VEZT: variants seen among roughly 807,000 people sequenced by gnomAD.
The protein encoded by VEZT is vezatin.
A neutral mutation model predicts 79.9 loss-of-function variants in VEZT; 39 were observed. The ratio of observed to expected loss-of-function variants is 0.49; its 90% CI spans 0.38 to 0.64. The LOEUF is 0.64. VEZT is among the 30% of genes least tolerant of loss of function. The pLI is 0.00. For synonymous variants in VEZT, 325 were observed against 327.6 expected, an observed-to-expected ratio of 0.99 and a Z score of 0.09; for missense variants, 837 against 893.1, an observed-to-expected ratio of 0.94 and a Z score of 0.80.
chr12:95,244,518 C>A (rs1321082951), intron 1 of VEZT, among the ~76,000 whole-genome samples: 1 of 151,980 alleles, frequency 6.6e-6, no homozygotes, highest in African/African-American at 2.4e-5. Context: ...TTGTTCCAAG[C>A]AGAATCCAAA....
chr12:95,268,323 G>A (rs556668998), intron 5 of VEZT, among the ~76,000 whole-genome samples: 15 of 151,904 alleles, frequency 9.9e-5, no homozygotes, highest in South Asian at 2.1e-4. Context: ...GTGAAACCCC[G>A]TCTCTACTAA....
chr12:95,263,272 A>T (rs567185586), intron 4 of VEZT, among the ~76,000 whole-genome samples, 191 bp downstream of exon 4: 27 of 152,188 alleles, frequency 1.8e-4, no homozygotes, highest in Non-Finnish European at 3.5e-4. Flanking sequence ...TAGGGAAAAA[A>T]ATCCAATTTG....
intron 4 of VEZT, 75 bp downstream of exon 4, chr12:95,263,156 C>A (rs1262624659): frequency 2.3e-6 from 3 of 1,315,316 alleles, no homozygotes; most frequent in East Asian, 2.4e-5. Flanking sequence ...TCATTGTGCT[C>A]TCCATTGTAA....
At chr12:95,231,875 A>G (rs1444093459) in intron 1 of VEZT, among the ~76,000 whole-genome samples, 1 of 152,206 alleles carries the variant, frequency 6.6e-6, no homozygotes, top group Non-Finnish European at 1.5e-5. Context: ...CAATACAATT[A>G]TGGGGAAATT....
intron 3 of VEZT, among the ~76,000 whole-genome samples, chr12:95,260,652 T>C (rs1166178673): frequency 6.6e-6 from 1 of 152,208 alleles, no homozygotes; most frequent in Non-Finnish European, 1.5e-5. Context: ...AAACTTACCT[T>C]ATATAGGTAC....
chr12:95,257,030 C>A, intron 2 of VEZT, 120 bp from the exon 3 acceptor site: 1 of 795,686 alleles, frequency 1.3e-6, no homozygotes, highest in Non-Finnish European at 1.9e-6. Flanking sequence ...ATAACCTGGA[C>A]AATTTTTTTC....
At chr12:95,294,185 C>A in intron 9 of VEZT, 87 bp from the exon 10 acceptor site, 1 of 1,125,698 alleles carries the variant, frequency 8.9e-7, no homozygotes. Flanking sequence ...CCACACCTGG[C>A]CCCAAGGGTG....
intron 1 of VEZT, among the ~76,000 whole-genome samples, chr12:95,218,824 C>A (rs1340665662): frequency 6.6e-6 from 1 of 152,166 alleles, no homozygotes; most frequent in Non-Finnish European, 1.5e-5. Flanking sequence ...TACGCGATAT[C>A]CGAGGTGAAT....
chr12:95,268,366 C>G (rs574746522), intron 5 of VEZT, among the ~76,000 whole-genome samples: 3 of 151,874 alleles, frequency 2.0e-5, no homozygotes, highest in Non-Finnish European at 2.9e-5. Context: ...GGCGTGGTGG[C>G]GGGTGCCTGT....
At chr12:95,250,000 A>T (rs2062275599) in intron 1 of VEZT, among the ~76,000 whole-genome samples, 1 of 150,610 alleles carries the variant, frequency 6.6e-6, no homozygotes, top group Non-Finnish European at 1.5e-5. Context: ...GCCACATAGT[A>T]CTTTAACTGT....
At chr12:95,298,274 C>T (rs112226196) in intron 11 of VEZT, among the ~76,000 whole-genome samples, 3,108 of 152,176 alleles carry the variant, frequency 0.02, 101 homozygotes, top group Non-Finnish European at 0.022. Context: ...CCTAACACTA[C>T]AGACCCTCAC....
chr12:95,288,574 G>A (rs888015573), intron 9 of VEZT, among the ~76,000 whole-genome samples: 1 of 152,134 alleles, frequency 6.6e-6, no homozygotes, highest in African/African-American at 2.4e-5. Context: ...TTGCATTGTT[G>A]CTAAAGATAA....
At chr12:95,262,195 C>T (rs1352147742) in intron 3 of VEZT, 2 of 152,232 alleles carry the variant, frequency 1.3e-5, no homozygotes, top group African/African-American at 4.8e-5. Flanking sequence ...TATTTCATCA[C>T]ACTCCTTTGC....
At chr12:95,264,549 G>C (rs549052723) in intron 4 of VEZT, among the ~76,000 whole-genome samples, 2 of 152,092 alleles carry the variant, frequency 1.3e-5, no homozygotes, top group South Asian at 4.2e-4. Context: ...TGATCCTCCT[G>C]CCCTAGCCTC....
At chr12:95,297,637 T>C (rs1484330598) in intron 11 of VEZT, among the ~76,000 whole-genome samples, 1 of 152,192 alleles carries the variant, frequency 6.6e-6, no homozygotes, top group East Asian at 1.9e-4. Flanking sequence ...TGGCTCTCTA[T>C]CTTAAAACCT....
chr12:95,297,537 C>G (rs896271757), intron 11 of VEZT, among the ~76,000 whole-genome samples: 11 of 152,020 alleles, frequency 7.2e-5, no homozygotes, highest in Non-Finnish European at 1.5e-4. Flanking sequence ...ATTAAAATAC[C>G]TTCTTAGCTG....
chr12:95,271,888 A>G (rs2066677393), intron 6 of VEZT, among the ~76,000 whole-genome samples: 1 of 152,248 alleles, frequency 6.6e-6, no homozygotes, highest in Non-Finnish European at 1.5e-5. Context: ...GAAATAATCA[A>G]TAAAATATGG....
At chr12:95,286,743 C>G in intron 8 of VEZT, 1 of 426,000 alleles carries the variant, frequency 2.3e-6, no homozygotes, top group South Asian at 1.9e-5. Flanking sequence ...AGTACATTTT[C>G]CACCACAAAT....
chr12:95,274,484 C>T (rs1021971536), intron 6 of VEZT, among the ~76,000 whole-genome samples: 4 of 151,992 alleles, frequency 2.6e-5, no homozygotes, highest in South Asian at 2.1e-4. Flanking sequence ...AAATAAATAA[C>T]GTATCACTTT....
Sources: allele counts gnomAD v4.1 joint callset (sites outside exome capture counted in the v4.1 genomes callset), GRCh38; gene constraint gnomAD v4.1.1; transcripts MANE v1.5; gene names NCBI Gene and HGNC (gene_info 2026-07-23, HGNC 2026-07-21).